Variants in SCML4 observed in about 807,000 individuals in gnomAD.
SCML4 encodes the protein sex comb on midleg-like protein 4.
In SCML4, 34 loss-of-function variants were observed where a neutral mutation model predicts 41.1. The ratio of observed to expected loss-of-function variants is 0.83; its 90% CI spans 0.63 to 1.10. The LOEUF is 1.10. Among genes scored for constraint, SCML4 ranks in the 50% least tolerant of loss-of-function variants. The pLI, the probability that SCML4 is intolerant of heterozygous loss-of-function variation, is 0.00. For synonymous variants in SCML4, 214 were observed against 220.9 expected, an observed-to-expected ratio of 0.97 and a Z score of 0.28; for missense variants, 522 against 534.1, an observed-to-expected ratio of 0.98 and a Z score of 0.22.
In SCML4 at chr6:107,803,106, C is replaced by T. The variant is rs371314067; in HGVS notation, c.-60+21020G>A. Among the ~76,000 whole-genome samples, 85 of 151,920 alleles carry T rather than the reference C, an allele frequency of 5.6e-4. No individual in the cohort carries two copies. The Middle Eastern group carries it at 0.024, about 43-fold the overall frequency. On this transcript the variant is annotated intron_variant, in intron 1 of 7. Transcript: ENST00000369020. ...TCTCGGCTCGCTACAACTTCCACCT[C>T]CCAGCTGCCTGCCTTGGCCCAGCAA...
At chr6:107,794,326 A>T (rs1782556310) in intron 1 of SCML4, among the ~76,000 whole-genome samples, 1 of 152,226 alleles carries the variant, frequency 6.6e-6, no homozygotes, top group Non-Finnish European at 1.5e-5. Context: ...ATCATGATAA[A>T]TTCATATCCT....
chr6:107,735,338 C>T (rs775304654), intron 5 of SCML4, among the ~76,000 whole-genome samples: 1 of 152,202 alleles, frequency 6.6e-6, no homozygotes, highest in Non-Finnish European at 1.5e-5. Flanking sequence ...CACAGCTCCA[C>T]AATGTTCCAG....
At chr6:107,749,357 T>C (rs1198330406) in intron 3 of SCML4, among the ~76,000 whole-genome samples, 1 of 151,946 alleles carries the variant, frequency 6.6e-6, no homozygotes, top group Admixed American at 6.6e-5. Flanking sequence ...CAGGCTTAGA[T>C]CAGTGCAATG....
chr6:107,745,493 T>C (rs1388360077), intron 4 of SCML4: 1 of 173,424 alleles, frequency 5.8e-6, no homozygotes, highest in Non-Finnish European at 1.2e-5. Context: ...TTATGGGTTC[T>C]TTGGGACCAC....
chr6:107,836,849 A>G, the SCML4 span, among the ~76,000 whole-genome samples: 8 of 152,080 alleles, frequency 5.3e-5, no homozygotes, highest in Non-Finnish European at 1.0e-4. Context: ...GTCTTGTTAA[A>G]TCCTATACAT....
chr6:107,825,026 C>T (rs552092381), upstream of SCML4, among the ~76,000 whole-genome samples: 83 of 152,210 alleles, frequency 5.5e-4, no homozygotes, highest in Non-Finnish European at 1.0e-3. Context: ...CATCTCTACC[C>T]ACCTCAACGT....
chr6:107,772,475 G>C (rs919507901), intron 1 of SCML4, 89 bp from the exon 2 acceptor site: 2 of 704,688 alleles, frequency 2.8e-6, no homozygotes, highest in South Asian at 2.2e-5. Flanking sequence ...GGTGATTTTG[G>C]CGATACCTAC....
At chr6:107,765,849 A>T (rs1779991712) in intron 2 of SCML4, among the ~76,000 whole-genome samples, 1 of 152,246 alleles carries the variant, frequency 6.6e-6, no homozygotes, top group Non-Finnish European at 1.5e-5. Context: ...AAATGCTGTG[A>T]ATTAGAGCTG....
rs1161081352 is a variant in SCML4, at chr6:107,813,387, T to A, written c.-60+10739A>T. Reference sequence around the variant, plus strand: ...CAAAAAAATTATATATATATATATATATATATATATATATATATATATATA... The same window carrying A: ...CAAAAAAATTATATATATATATATAAATATATATATATATATATATATATA... On this transcript the variant is annotated intron_variant, in intron 1 of 7. Transcript: ENST00000369020. Among the ~76,000 whole-genome samples, 8 of 23,418 alleles carry A rather than the reference T, an allele frequency of 3.4e-4. No homozygotes were observed. The East Asian group carries it at 0.012, about 35-fold the overall frequency. The allele number at this position is 23,418 out of a possible 152,430, so 15.4% of individuals were successfully genotyped here.
intron 5 of SCML4, among the ~76,000 whole-genome samples, chr6:107,741,840 A>G (rs993564224): frequency 2.6e-5 from 4 of 152,278 alleles, no homozygotes; most frequent in Non-Finnish European, 5.9e-5. Flanking sequence ...AAGTCAGAGA[A>G]GACTGAAATA....
At chr6:107,751,646 C>A (rs541884102) in intron 2 of SCML4, among the ~76,000 whole-genome samples, 1 of 103,740 alleles carries the variant, frequency 9.6e-6, no homozygotes, top group Non-Finnish European at 2.0e-5. Flanking sequence ...TTCTTTCTTT[C>A]TTTTTTGAGA....
chr6:107,707,167 G>T (rs985747541), intron 7 of SCML4, among the ~76,000 whole-genome samples: 1 of 150,792 alleles, frequency 6.6e-6, no homozygotes, highest in Non-Finnish European at 1.5e-5. Flanking sequence ...TGGGCGTGGT[G>T]GTGGGTGCCT....
At chr6:107,743,560 T>A (rs765322443) in intron 5 of SCML4, among the ~76,000 whole-genome samples, 1 of 152,236 alleles carries the variant, frequency 6.6e-6, no homozygotes, top group African/African-American at 2.4e-5. Context: ...ATTCATAGAC[T>A]GTTGGAACCA....
At chr6:107,720,595 C>G (rs1223600084) in intron 6 of SCML4, 108 bp downstream of exon 6, 2 of 1,443,706 alleles carry the variant, frequency 1.4e-6, no homozygotes, top group Non-Finnish European at 1.8e-6. Flanking sequence ...GATCTCCCAG[C>G]AGTCCCACGT....
At position 107,764,959 on chromosome 6, in the gene SCML4, C is replaced by T. The variant is rs1779916226; in HGVS notation, c.156+7213G>A. On this transcript the variant is annotated intron_variant, in intron 2 of 7. Transcript: ENST00000369020. Reference sequence around the variant, plus strand: ...CACCATGACTGTGAGGCCTCCCTGGCCATGTGGAACTGTGAGTCCATTAAA... The same window carrying T: ...CACCATGACTGTGAGGCCTCCCTGGTCATGTGGAACTGTGAGTCCATTAAA... Among the ~76,000 whole-genome samples the T allele has an allele frequency of 2.0e-5, 3 of 152,164 alleles. No homozygotes were observed. In the South Asian group the frequency reaches 6.2e-4, roughly 32 times the overall value.
At chr6:107,728,596 C>A (rs1448157863) in intron 5 of SCML4, among the ~76,000 whole-genome samples, 1 of 152,012 alleles carries the variant, frequency 6.6e-6, no homozygotes, top group African/African-American at 2.4e-5. Context: ...GCAACAAGAG[C>A]AAAACTCTGT....
At chr6:107,707,715 T>A (rs900970472) in intron 7 of SCML4, 151 bp downstream of exon 7, 4 of 856,960 alleles carry the variant, frequency 4.7e-6, no homozygotes, top group Non-Finnish European at 7.4e-6. Context: ...GTCCCTCTCA[T>A]CTCTGGCTCC....
chr6:107,705,440 G>A (rs1311324853), intron 7 of SCML4, 115 bp from the exon 8 acceptor site: 12 of 910,208 alleles, frequency 1.3e-5, no homozygotes, highest in Middle Eastern at 3.3e-4. Flanking sequence ...GATTGATTTA[G>A]GCAGCATATT....
chr6:107,763,473 A>C (rs186884270), intron 2 of SCML4, among the ~76,000 whole-genome samples: 1 of 148,914 alleles, frequency 6.7e-6, no homozygotes, highest in South Asian at 2.1e-4. Context: ...TGCAACCTCC[A>C]TCTCCCAGGT....
Sources: allele counts gnomAD v4.1 joint callset (sites outside exome capture counted in the v4.1 genomes callset), GRCh38; gene constraint gnomAD v4.1.1; transcripts MANE v1.5; gene names NCBI Gene and HGNC (gene_info 2026-07-23, HGNC 2026-07-21).